Variants in TDRD3 observed in about 807,000 individuals in gnomAD.
TDRD3 encodes tudor domain containing 3.
In TDRD3, 45 loss-of-function variants were observed where a neutral mutation model predicts 86.7. The ratio of observed to expected loss-of-function variants is 0.52; its 90% confidence interval spans 0.41 to 0.67. The LOEUF (loss-of-function observed/expected upper bound fraction) is 0.67. Ranked by LOEUF, TDRD3 falls within the 30% of genes least tolerant of loss-of-function variation. TDRD3 has a pLI of 0.00. For missense variants in TDRD3, 814 were observed against 889.0 expected (o/e 0.92, Z 1.07); for synonymous variants, 298 against 301.7 (o/e 0.99, Z 0.13).
intron 1 of TDRD3, among the ~76,000 whole-genome samples, chr13:60,419,077 T>C (rs1954593247): frequency 1.3e-5 from 2 of 152,200 alleles, no homozygotes; most frequent in South Asian, 4.1e-4. Flanking sequence ...AGGAGTGAAA[T>C]TGCTGGGCCA....
chr13:60,420,843 C>A (rs1373515344), intron 1 of TDRD3, among the ~76,000 whole-genome samples: 2 of 152,090 alleles, frequency 1.3e-5, no homozygotes, highest in Admixed American at 1.3e-4. Flanking sequence ...ACTCGGGAGG[C>A]TGAGGCAGGA....
chr13:60,535,402 C>T (rs1957677705), intron 12 of TDRD3, 169 bp downstream of exon 12: 5 of 569,906 alleles, frequency 8.8e-6, no homozygotes, highest in African/African-American at 2.0e-5. Context: ...ACTGAATGAA[C>T]TACAATAAAA....
upstream of TDRD3, chr13:60,397,181 A>G (rs1435739952): frequency 1.2e-5 from 5 of 408,676 alleles, no homozygotes; most frequent in African/African-American, 2.1e-5. Context: ...CGCTCAGAAA[A>G]CGCGGCGAGC....
chr13:60,490,471 A>G (rs748498433), intron 7 of TDRD3, among the ~76,000 whole-genome samples: 3 of 152,184 alleles, frequency 2.0e-5, no homozygotes, highest in Non-Finnish European at 4.4e-5. Context: ...GTCAAGAGAG[A>G]TAATAGAGGT....
chr13:60,414,721 G>C (rs963985961), intron 1 of TDRD3, among the ~76,000 whole-genome samples: 1 of 151,986 alleles, frequency 6.6e-6, no homozygotes, highest in Non-Finnish European at 1.5e-5. Context: ...GGGGCTTTTT[G>C]TCAAATACAG....
chr13:60,440,099 C>T (rs975810918), intron 2 of TDRD3, among the ~76,000 whole-genome samples: 69 of 152,006 alleles, frequency 4.5e-4, no homozygotes, highest in Non-Finnish European at 8.8e-4. Flanking sequence ...AATGAATTGC[C>T]ATTTAATTTA....
At chr13:60,480,212 T>G (rs915854901) in intron 5 of TDRD3, among the ~76,000 whole-genome samples, 3 of 152,190 alleles carry the variant, frequency 2.0e-5, no homozygotes, top group Non-Finnish European at 4.4e-5. Flanking sequence ...CCTTAGCATT[T>G]GCATGTCTGA....
At position 60,528,859 on chromosome 13, in the gene TDRD3, AT is replaced by A. The variant is rs1159317675; in HGVS notation, c.1639del (p.Tyr547MetfsTer8). ...GAAAGCCAAACATCTATTCCTGATT[AT>A]TTTTATGACAGGAAATCACAAACAA... ...KRESQTSIPDYFYDRKSQTIN... is the reference protein window; with the variant it reads ...KRESQTSIPDXFYDRKSQTIN... On this transcript the variant is annotated frameshift_variant, in exon 11 of 14. Transcript: ENST00000377881. LOFTEE classifies it high-confidence loss of function. 1 of 1,612,948 alleles carries A rather than the reference AT, an allele frequency of 6.2e-7. No individual in the cohort carries two copies. The highest frequency in any genetic ancestry group is 2.2e-5 in the East Asian group (1 of 44,876).
chr13:60,428,821 G>A (rs902007642), intron 1 of TDRD3, among the ~76,000 whole-genome samples: 3 of 152,108 alleles, frequency 2.0e-5, no homozygotes, highest in African/African-American at 7.2e-5. Flanking sequence ...AGGACCAGTG[G>A]TAATTTTCTT....
chr13:60,529,348 G>A, intron 11 of TDRD3, 131 bp downstream of exon 11: 4 of 945,236 alleles, frequency 4.2e-6, no homozygotes, highest in Non-Finnish European at 5.9e-6. Context: ...TCTTTGAACA[G>A]ATTTATAGAT....
chr13:60,533,469 T>C (rs759882407), intron 11 of TDRD3, among the ~76,000 whole-genome samples: 5 of 151,998 alleles, frequency 3.3e-5, no homozygotes, highest in Non-Finnish European at 7.4e-5. Flanking sequence ...GGTAAAAACC[T>C]GTCTTTACTA....
chr13:60,431,702 C>CAA (rs1954956948), intron 1 of TDRD3, among the ~76,000 whole-genome samples: 3 of 51,756 alleles, frequency 5.8e-5, no homozygotes, highest in Non-Finnish European at 1.3e-4. Context: ...ACTATCTTTA[C>CAA]CAAAAAAAAA....
chr13:60,443,603 T>C (rs1377905035), intron 2 of TDRD3, among the ~76,000 whole-genome samples: 2 of 152,038 alleles, frequency 1.3e-5, no homozygotes, highest in African/African-American at 4.8e-5. Context: ...TGTTTTATTA[T>C]GGTAGGTGTT....
intron 3 of TDRD3, among the ~76,000 whole-genome samples, chr13:60,448,378 A>G (rs1955456587): frequency 6.6e-6 from 1 of 152,180 alleles, no homozygotes. Flanking sequence ...GAGAAGACAG[A>G]ATGGCAAAAA....
intron 3 of TDRD3, among the ~76,000 whole-genome samples, chr13:60,450,457 C>A (rs901465591): frequency 2.0e-5 from 3 of 152,054 alleles, no homozygotes; most frequent in Admixed American, 1.3e-4. Context: ...GACTGAGTGA[C>A]CACTGGTAAA....
At chr13:60,442,196 C>T (rs1199820869) in intron 2 of TDRD3, among the ~76,000 whole-genome samples, 1 of 152,062 alleles carries the variant, frequency 6.6e-6, no homozygotes, top group South Asian at 2.1e-4. Context: ...CGTTCAAATA[C>T]TGGAATTATT....
chr13:60,411,378 T>C (rs898954398), intron 1 of TDRD3, among the ~76,000 whole-genome samples: 1 of 152,230 alleles, frequency 6.6e-6, no homozygotes, highest in Admixed American at 6.5e-5. Flanking sequence ...TGAAGTTTGA[T>C]TATCTTGAAA....
intron 12 of TDRD3, among the ~76,000 whole-genome samples, chr13:60,541,716 CT>C (rs71199007): frequency 2.1e-3 from 87 of 41,010 alleles, no homozygotes; most frequent in South Asian, 7.9e-3. Context: ...TCAGCATAGT[CT>C]TTTTTTTTTT....
chr13:60,523,812 A>C (rs1315878062), intron 10 of TDRD3, among the ~76,000 whole-genome samples: 1 of 152,000 alleles, frequency 6.6e-6, no homozygotes, highest in Non-Finnish European at 1.5e-5. Flanking sequence ...CCTGACCTCA[A>C]GTGATCCACC....
Sources: allele counts gnomAD v4.1 joint callset (sites outside exome capture counted in the v4.1 genomes callset), GRCh38; gene constraint gnomAD v4.1.1; transcripts MANE v1.5; gene names NCBI Gene and HGNC (gene_info 2026-07-23, HGNC 2026-07-21).